The following EDEM1 variants were observed in gnomAD, a reference collection of about 807,000 sequenced individuals.
EDEM1 encodes ER degradation-enhancing alpha-mannosidase-like protein 1.
A neutral mutation model predicts 74.4 loss-of-function variants in EDEM1; 67 were observed. The ratio of observed to expected loss-of-function variants is 0.90; its 90% CI spans 0.74 to 1.10. The LOEUF is 1.10. Ranked by LOEUF, EDEM1 falls within the 50% of genes least tolerant of loss-of-function variation. The pLI is 0.00. For missense variants in EDEM1, 926 were observed against 851.6 expected (o/e 1.09, Z -1.09); for synonymous variants, 382 against 335.9 (o/e 1.14, Z -1.50).
In EDEM1 at chr3:5,188,273, C is replaced by T. The variant is rs768328108; in HGVS notation, c.468C>T (p.Asn156=). ...ACGCCTTCCCCCAGGACGAGCTCAACCCCATCCACTGCCGCGGCCGTGGGC... is the reference window on the plus strand; with the variant it reads ...ACGCCTTCCCCCAGGACGAGCTCAATCCCATCCACTGCCGCGGCCGTGGGC... ...MAHAFPQDEL[N]PIHCRGRGPD... is the part of the protein sequence containing the mutation. Residue 156 remains asparagine (N), a synonymous_variant, in exon 1 of 12, where the codon AAC becomes AAT. Coordinates refer to ENST00000256497, the MANE Select transcript of EDEM1 (RefSeq NM_014674.3). 6.4e-6 allele frequency: 10 copies of T among 1,555,630 alleles called. No homozygotes were observed. In the East Asian group the frequency reaches 1.8e-4, roughly 28 times the overall value.
chr3:5,216,020 C>G lies in EDEM1; in HGVS notation c.*102C>G. On this transcript the variant is annotated 3_prime_UTR_variant, in exon 12 of 12. Transcript: ENST00000256497. The stretch of plus-strand genomic sequence containing the variant: ...TGAAAGGGGACAGAAGTCTTGCTGT[C>G]CATGGTGGTGTAGGAATTTCTGTGC... 1.0e-6 allele frequency: 1 copy of G among 955,988 alleles called. No homozygotes were observed. Among genetic ancestry groups the G allele is most frequent in the South Asian group, 1.6e-5 (1 of 64,374 alleles). 59.2% of individuals were successfully genotyped at this position (955,988 alleles called of 1,614,324 possible).
chr3:5,208,335 C>T (rs2055125018), intron 8 of EDEM1, 72 bp downstream of exon 8: 1 of 1,536,158 alleles, frequency 6.5e-7, no homozygotes, highest in African/African-American at 1.4e-5. Flanking sequence ...TCTTAATGAA[C>T]ATTTGCTGAG....
chr3:5,215,786 C>G (rs1391883108), intron 11 of EDEM1, 43 bp from the exon 12 acceptor site: 5 of 1,537,590 alleles, frequency 3.3e-6, no homozygotes, highest in Non-Finnish European at 3.6e-6. Context: ...CCTGAGAGAG[C>G]AACATATGAG....
At chr3:5,190,292 T>A (rs2054886184) in intron 1 of EDEM1, among the ~76,000 whole-genome samples, 2 of 152,230 alleles carry the variant, frequency 1.3e-5, no homozygotes, top group Admixed American at 1.3e-4. Flanking sequence ...AGTGCCTTTA[T>A]TCCTGCTCAC....
At chr3:5,213,844 G>A (rs981586251) in intron 11 of EDEM1, among the ~76,000 whole-genome samples, 1 of 152,176 alleles carries the variant, frequency 6.6e-6, no homozygotes, top group Non-Finnish European at 1.5e-5. Flanking sequence ...TTGCCTGGAG[G>A]GAGCCGGCAG....
Position 5,205,258 on chromosome 3 carries a change from TCTC to T in EDEM1, c.1217+21_1217+23del, listed in dbSNP as rs2055082732. ...AAGAAGAGGGTATGTCTCCCTAACA[TCTC>T]CTCTGTTGCCTTGTAAAGCAAATAG... On this transcript the variant is annotated intron_variant, in intron 6 of 11. Coordinates refer to ENST00000256497, the MANE Select transcript of EDEM1 (RefSeq NM_014674.3). 6.2e-6 allele frequency: 10 copies of T among 1,606,168 alleles called. No individual in the cohort carries two copies. Among genetic ancestry groups the T allele is most frequent in the Non-Finnish European group, 8.5e-6 (10 of 1,175,988 alleles).
At chr3:5,193,006 A>C (rs2054919549) in intron 1 of EDEM1, among the ~76,000 whole-genome samples, 1 of 151,068 alleles carries the variant, frequency 6.6e-6, no homozygotes, top group Non-Finnish European at 1.5e-5. Flanking sequence ...GGTCTATTTT[A>C]GTTATAGATT....
chr3:5,193,826 G>C (rs1021902431), intron 1 of EDEM1, among the ~76,000 whole-genome samples: 1 of 152,178 alleles, frequency 6.6e-6, no homozygotes, highest in African/African-American at 2.4e-5. Context: ...TTGAACTCCT[G>C]ACCTTGGATG....
At chr3:5,215,073 G>T (rs1026587371) in intron 11 of EDEM1, among the ~76,000 whole-genome samples, 1 of 152,164 alleles carries the variant, frequency 6.6e-6, no homozygotes, top group Non-Finnish European at 1.5e-5. Flanking sequence ...CAGAGATGTG[G>T]GCTGGTGGGG....
Position 5,208,210 on chromosome 3 carries a change from C to G in EDEM1, c.1456C>G (p.Leu486Val), listed in dbSNP as rs2055122432. Residue 486 changes from leucine (L) to valine (V), a missense_variant, in exon 8 of 12, where the codon CTC becomes GTC. Coordinates refer to ENST00000256497, the MANE Select transcript of EDEM1 (RefSeq NM_014674.3). ...CTGGCAGCTGCAGGCCCCTGACGTT[C>G]TCTTCTACCCACTGAGACCAGAGTT... ...YNWQLQAPDV[L>V]FYPLRPELVE... The G allele has an allele frequency of 1.2e-6, 2 of 1,613,646 alleles. No individual in the cohort carries two copies. The highest frequency in any genetic ancestry group is 1.3e-5 in the African/African-American group (1 of 74,848).
At chr3:5,213,598 T>A (rs546699666) in intron 11 of EDEM1, 76 bp downstream of exon 11, 4 of 1,402,634 alleles carry the variant, frequency 2.9e-6, no homozygotes, top group Non-Finnish European at 3.9e-6. Flanking sequence ...TGTTCAGACT[T>A]CCTGACAGAA....
At chr3:5,210,983 C>T (rs1368490253) in intron 9 of EDEM1, 137 bp from the exon 10 acceptor site, 3 of 764,600 alleles carry the variant, frequency 3.9e-6, no homozygotes, top group East Asian at 2.7e-5. Flanking sequence ...AAAAGGAGAG[C>T]CCCTCAATGT....
At chr3:5,199,805 A>G (rs1444910406) in intron 3 of EDEM1, 110 bp downstream of exon 3, 1 of 705,918 alleles carries the variant, frequency 1.4e-6, no homozygotes, top group African/African-American at 1.8e-5. Flanking sequence ...GGGAGTCCAT[A>G]TGGGCTTTAT....
At chr3:5,197,783 C>T (rs1223945037) in intron 2 of EDEM1, among the ~76,000 whole-genome samples, 1 of 152,206 alleles carries the variant, frequency 6.6e-6, no homozygotes, top group Non-Finnish European at 1.5e-5. Flanking sequence ...AGCATTATTG[C>T]ATCATCTTCT....
chr3:5,201,253 A>G (rs1307978440), intron 3 of EDEM1, among the ~76,000 whole-genome samples: 1 of 151,756 alleles, frequency 6.6e-6, no homozygotes, highest in Admixed American at 6.6e-5. Flanking sequence ...TAGGTTCAAG[A>G]GATCGTCCTG....
intron 11 of EDEM1, among the ~76,000 whole-genome samples, chr3:5,215,580 G>A (rs1018307730): frequency 6.6e-6 from 1 of 152,156 alleles, no homozygotes; most frequent in Non-Finnish European, 1.5e-5. Context: ...GCTCCTCAGG[G>A]AACATTGGAA....
chr3:5,193,647 G>T (rs2106587969), intron 1 of EDEM1, among the ~76,000 whole-genome samples: 1 of 152,080 alleles, frequency 6.6e-6, no homozygotes, highest in African/African-American at 2.4e-5. Context: ...GCCCAGGCTG[G>T]AGTGCAATGG....
At chr3:5,193,600 A>AT (rs879826987) in intron 1 of EDEM1, among the ~76,000 whole-genome samples, 2,137 of 146,092 alleles carry the variant, frequency 0.015, 15 homozygotes, top group Non-Finnish European at 0.018. Context: ...AGTATCTAAA[A>AT]TTTTTTTTTT....
In EDEM1 at chr3:5,208,073, G is replaced by A. The variant is rs1003230855; in HGVS notation, c.1339-20G>A. 1.9e-6 allele frequency: 3 copies of A among 1,572,608 alleles called. No homozygotes were observed. The highest frequency in any genetic ancestry group is 1.4e-5 in the African/African-American group (1 of 72,368). ...TCTAGGAATGGTATCTCAGCCTGAT[G>A]ACCTGTGTCCTCTCCTTAGGTGCTG... On this transcript the variant is annotated intron_variant, in intron 7 of 11. Transcript: ENST00000256497.
Sources: allele counts gnomAD v4.1 joint callset (sites outside exome capture counted in the v4.1 genomes callset), GRCh38; gene constraint gnomAD v4.1.1; transcripts MANE v1.5; gene names NCBI Gene and HGNC (gene_info 2026-07-23, HGNC 2026-07-21).